WDR27: variants seen among roughly 807,000 people sequenced by gnomAD.
WDR27 encodes the protein WD repeat domain 27.
WDR27 carries 100 observed loss-of-function variants against 114.4 expected under a neutral mutation model. The observed-to-expected ratio is 0.87, with a 90% CI of 0.74 to 1.03. The LOEUF (loss-of-function observed/expected upper bound fraction) is 1.03, where lower values mean the gene tolerates loss of function less well. WDR27 is among the 50% of genes least tolerant of loss of function. The probability of loss-of-function intolerance (pLI) is 0.00; values close to 1 mark genes in which losing one functional copy is unlikely to be tolerated. For missense variants in WDR27, 1,129 were observed against 1,092.9 expected (o/e 1.03, Z -0.47); for synonymous variants, 449 against 423.1 (o/e 1.06, Z -0.75).
chr6:169,445,929 C>T, the WDR27 span, among the ~76,000 whole-genome samples: 1 of 152,240 alleles, frequency 6.6e-6, no homozygotes, highest in East Asian at 1.9e-4. Context: ...CCCCTGCAGG[C>T]CCCCCTCCCT....
chr6:169,699,282 A>G (rs377275485), intron 1 of WDR27, among the ~76,000 whole-genome samples: 256 of 152,286 alleles, frequency 1.7e-3, no homozygotes, highest in African/African-American at 5.8e-3. Flanking sequence ...GGAGGGACAA[A>G]GGACCATCAG....
chr6:169,630,435 C>T (rs1816048488), intron 21 of WDR27, among the ~76,000 whole-genome samples: 1 of 152,156 alleles, frequency 6.6e-6, no homozygotes, highest in East Asian at 1.9e-4. Context: ...ATGGTGCAAA[C>T]CCTAGTCTGC....
At chr6:169,613,957 C>A (rs908527737) in intron 21 of WDR27, among the ~76,000 whole-genome samples, 1 of 152,144 alleles carries the variant, frequency 6.6e-6, no homozygotes, top group Non-Finnish European at 1.5e-5. Flanking sequence ...TTCATGTTTA[C>A]AGTATAGACC....
intron 23 of WDR27, among the ~76,000 whole-genome samples, chr6:169,584,205 C>G (rs1804124909): frequency 6.6e-6 from 1 of 152,212 alleles, no homozygotes. Flanking sequence ...TTTCACTTAA[C>G]ATAATGTCCT....
intron 25 of WDR27, among the ~76,000 whole-genome samples, chr6:169,560,398 A>T (rs1799521976): frequency 6.6e-6 from 1 of 152,220 alleles, no homozygotes; most frequent in South Asian, 2.1e-4. Context: ...CATAAAATGG[A>T]CCAATACAAC....
At chr6:169,653,164 T>C (rs1823065396) in intron 13 of WDR27, among the ~76,000 whole-genome samples, 1 of 152,242 alleles carries the variant, frequency 6.6e-6, no homozygotes, top group African/African-American at 2.4e-5. Context: ...GGGGAGTTTC[T>C]TTCCATGGAA....
rs1428061001 is a variant in WDR27 at position 169,665,511 on chromosome 6, A to G, written c.758T>C (p.Leu253Pro). Residue 253 changes from leucine to proline, a missense_variant, in exon 7 of 26, where the codon CTG (leucine) becomes CCG (proline). Coordinates refer to ENST00000448612, the MANE Select transcript of WDR27 (RefSeq NM_182552.5). ...CTGGCCGTCAGCACACCCGGTGACC[A>G]GCTGCCTGCTTTCTGCATCAATGAA... ...SLFIDAESRQLVTGCADGQLW... is the reference protein window; with the variant it reads ...SLFIDAESRQPVTGCADGQLW... 1 of 1,613,702 alleles carries G rather than the reference A, an allele frequency of 6.2e-7. No individual in the cohort carries two copies. The highest frequency in any genetic ancestry group is 1.7e-5 in the Admixed American group (1 of 59,972).
chr6:169,621,701 C>T (rs1813365685), intron 21 of WDR27, among the ~76,000 whole-genome samples: 1 of 152,052 alleles, frequency 6.6e-6, no homozygotes, highest in Admixed American at 6.6e-5. Context: ...TACATACCCA[C>T]ACATGCATTC....
At chr6:169,547,273 C>T (rs944189860) in intron 25 of WDR27, among the ~76,000 whole-genome samples, 1 of 152,068 alleles carries the variant, frequency 6.6e-6, no homozygotes, top group Non-Finnish European at 1.5e-5. Flanking sequence ...TCTCTATAAT[C>T]TCCTTTAAAG....
At chr6:169,507,720 G>A (rs1428127938) in intron 25 of WDR27, among the ~76,000 whole-genome samples, 2 of 152,154 alleles carry the variant, frequency 1.3e-5, no homozygotes, top group African/African-American at 4.8e-5. Flanking sequence ...ATTTTGAAAT[G>A]GTTGAAAACA....
At chr6:169,447,295 G>A in the WDR27 span, among the ~76,000 whole-genome samples, 613 of 152,290 alleles carry the variant, frequency 4.0e-3, no homozygotes, top group African/African-American at 0.014. Context: ...AAATATGTCA[G>A]GGAAGAAAGC....
intron 25 of WDR27, among the ~76,000 whole-genome samples, chr6:169,471,278 C>T (rs1786349468): frequency 6.6e-6 from 1 of 151,984 alleles, no homozygotes; most frequent in Non-Finnish European, 1.5e-5. Flanking sequence ...TCATCCTGAC[C>T]CATGAGTTTG....
chr6:169,445,879 G>A, the WDR27 span, among the ~76,000 whole-genome samples: 9 of 152,154 alleles, frequency 5.9e-5, no homozygotes, highest in South Asian at 4.1e-4. Context: ...CCCTGACTGA[G>A]TCTTTGCAGG....
At chr6:169,459,534 T>A (rs1784667011) in intron 25 of WDR27, among the ~76,000 whole-genome samples, 1 of 151,608 alleles carries the variant, frequency 6.6e-6, no homozygotes, top group Non-Finnish European at 1.5e-5. Flanking sequence ...GCTATAAATG[T>A]ATATATATAC....
chr6:169,478,809 G>A (rs1393008252), intron 25 of WDR27, among the ~76,000 whole-genome samples: 1 of 152,162 alleles, frequency 6.6e-6, no homozygotes, highest in Non-Finnish European at 1.5e-5. Flanking sequence ...AACAAGCAAT[G>A]AGGAAAGGAC....
intron 25 of WDR27, among the ~76,000 whole-genome samples, chr6:169,553,508 A>G (rs192181966): frequency 7.8e-4 from 119 of 152,346 alleles, no homozygotes; most frequent in Non-Finnish European, 1.3e-3. Flanking sequence ...GCTGTTCTAT[A>G]GTAGGAGGAT....
At chr6:169,509,253 T>A (rs1392322335) in intron 25 of WDR27, among the ~76,000 whole-genome samples, 1 of 152,198 alleles carries the variant, frequency 6.6e-6, no homozygotes, top group African/African-American at 2.4e-5. Context: ...TACCAATGAC[T>A]TTCTTCACAG....
intron 25 of WDR27, among the ~76,000 whole-genome samples, chr6:169,540,777 C>G (rs957753166): frequency 6.6e-6 from 1 of 152,036 alleles, no homozygotes; most frequent in Non-Finnish European, 1.5e-5. Flanking sequence ...ATTTTCTGTC[C>G]ACCTGCATGA....
chr6:169,684,786 T>C lies in WDR27; in HGVS notation c.189+4031A>G, dbSNP rs1782472940. Among the ~76,000 whole-genome samples, 1 of 152,174 alleles carries C rather than the reference T, an allele frequency of 6.6e-6. No homozygotes were observed. Among genetic ancestry groups the C allele is most frequent in the South Asian group, 2.1e-4 (1 of 4,826 alleles). ...GCCCGCAGCCAGCTGAGCAGCCTTG[T>C]GCCTACGTCCAATGCTGGAGAAACA... On this transcript the variant is annotated intron_variant, in intron 2 of 25. Coordinates refer to ENST00000448612, the MANE Select transcript of WDR27 (RefSeq NM_182552.5). This position sits in a 1 kb window ranked among gnomAD's most constrained non-coding sequence, Gnocchi z 4.3.
Sources: gnomAD v4.1 joint callset for allele counts (sites outside exome capture counted in the v4.1 genomes callset) on GRCh38, gnomAD v4.1.1 for gene constraint, Gnocchi (gnomAD v3.1) non-coding constraint, MANE v1.5 for transcripts, NCBI Gene and HGNC (gene_info 2026-07-23, HGNC 2026-07-21) for gene names.